ALK: variants seen among roughly 807,000 people sequenced by gnomAD.
The protein encoded by ALK is ALK receptor tyrosine kinase.
In ALK, 74 loss-of-function variants were observed where a neutral mutation model predicts 163.1. The ratio of observed to expected loss-of-function variants is 0.45; its 90% confidence interval spans 0.38 to 0.55. The LOEUF is 0.55. ALK is among the 20% of genes least tolerant of loss of function. The pLI is 0.00. For synonymous variants in ALK, 960 were observed against 843.2 expected (o/e 1.14, Z -2.40); for missense variants, 2,063 against 2,105.3 (o/e 0.98, Z 0.39).
chr2:29,618,136 C>G (rs1343798368), intron 3 of ALK, among the ~76,000 whole-genome samples: 2 of 152,214 alleles, frequency 1.3e-5, no homozygotes, highest in African/African-American at 4.8e-5. Flanking sequence ...AACATTCACT[C>G]CAGTTCCAAG....
rs70958274 is a variant in ALK at position 29,637,709 on chromosome 2, C to CAAAAAAAAA, written c.952+57132_952+57140dup. Among the ~76,000 whole-genome samples the CAAAAAAAAA allele has an allele frequency of 5.3e-4, 60 of 112,310 alleles. 4 individuals are homozygous for CAAAAAAAAA. The highest frequency in any genetic ancestry group is 4.9e-3 in the Middle Eastern group (1 of 204). The allele number at this position is 112,310 out of a possible 152,430, so 73.7% of individuals were successfully genotyped here. On this transcript the variant is annotated intron_variant, in intron 3 of 28. Transcript: ENST00000389048. ...GGGTGACAGAGCAAGACTCCGTCTCCAAAAAAAAAAAAAGAGGACTCTTTG... is the reference window on the plus strand; with the variant it reads ...GGGTGACAGAGCAAGACTCCGTCTCCAAAAAAAAAAAAAAAAAAAAAAGAGGACTCTTTG...
At chr2:29,307,261 C>T (rs1666551094) in intron 8 of ALK, among the ~76,000 whole-genome samples, 1 of 152,238 alleles carries the variant, frequency 6.6e-6, no homozygotes, top group Non-Finnish European at 1.5e-5. Context: ...CTGCATGCAA[C>T]ACCCCTAAAT....
intron 3 of ALK, among the ~76,000 whole-genome samples, chr2:29,578,866 A>G (rs1674597611): frequency 6.6e-6 from 1 of 152,208 alleles, no homozygotes; most frequent in South Asian, 2.1e-4. Flanking sequence ...CCTGGAGTCC[A>G]GCTCTTCTCC....
intron 3 of ALK, among the ~76,000 whole-genome samples, chr2:29,680,721 T>G (rs1270323285): frequency 1.3e-5 from 2 of 152,180 alleles, no homozygotes; most frequent in Non-Finnish European, 2.9e-5. Flanking sequence ...TATTAGCTTT[T>G]TGTTTTCTTA....
intron 1 of ALK, among the ~76,000 whole-genome samples, chr2:29,764,443 T>G (rs780713829): frequency 7.9e-5 from 12 of 152,192 alleles, no homozygotes; most frequent in Non-Finnish European, 1.8e-4. Context: ...CAAATATCAG[T>G]GAACGTCCCA....
intron 4 of ALK, among the ~76,000 whole-genome samples, chr2:29,513,345 C>T (rs1448911917): frequency 6.9e-6 from 1 of 144,844 alleles, no homozygotes; most frequent in Non-Finnish European, 1.5e-5. Context: ...AATAATGCCG[C>T]ATATCTACAA....
At chr2:29,438,660 A>AT in intron 4 of ALK, among the ~76,000 whole-genome samples, 2 of 152,146 alleles carry the variant, frequency 1.3e-5, no homozygotes, top group Non-Finnish European at 1.5e-5. Flanking sequence ...ATCCCACCTG[A>AT]CCTTCAGAGG....
At chr2:29,654,157 T>G (rs1021022299) in intron 3 of ALK, among the ~76,000 whole-genome samples, 2 of 152,130 alleles carry the variant, frequency 1.3e-5, no homozygotes, top group Admixed American at 6.6e-5. Context: ...TGAGATAGGA[T>G]GGGATTTAGT....
intron 11 of ALK, among the ~76,000 whole-genome samples, chr2:29,260,571 T>A (rs1665060950): frequency 6.6e-6 from 1 of 152,218 alleles, no homozygotes; most frequent in Non-Finnish European, 1.5e-5. Flanking sequence ...GTGTGGTGAC[T>A]CATGCCTGTA....
Position 29,233,620 on chromosome 2 carries a change from A to G in ALK, c.2432T>C (p.Val811Ala). The change falls in exon 14 of 29, where the codon GTG becomes GCG. Residue 811 changes from valine (V) to alanine (A), a missense_variant. Physicochemically the swap from Val to Ala is moderately conservative, Grantham distance 64. This residue lies in a region of ALK where 575 missense variants were observed against 626.6 expected (regional missense o/e 0.92). Coordinates refer to ENST00000389048, the MANE Select transcript of ALK (RefSeq NM_004304.5). Reference sequence around the variant, plus strand: ...TCCTCCGCCTCCTGCCCACTCATGCACGCTTCTGTTCACACGGATTTCTTC... The same window carrying G: ...TCCTCCGCCTCCTGCCCACTCATGCGCGCTTCTGTTCACACGGATTTCTTC... Reference protein sequence around the residue: ...IEEEIRVNRSVHEWAGGGGGG... With the variant: ...IEEEIRVNRSAHEWAGGGGGG... 6.2e-7 allele frequency: 1 copy of G among 1,614,210 alleles called. No individual in the cohort carries two copies. Among genetic ancestry groups the G allele is most frequent in the African/African-American group, 1.3e-5 (1 of 75,054 alleles).
chr2:29,543,804 A>C (rs1673478379), intron 3 of ALK, among the ~76,000 whole-genome samples: 1 of 152,148 alleles, frequency 6.6e-6, no homozygotes. Flanking sequence ...GAAATTGCTC[A>C]TGCCTCCCCT....
At chr2:29,328,755 C>T (rs947712864) in intron 5 of ALK, among the ~76,000 whole-genome samples, 4 of 152,206 alleles carry the variant, frequency 2.6e-5, no homozygotes, top group Non-Finnish European at 5.9e-5. Context: ...TCCATGTTCC[C>T]TCCATGACAT....
chr2:29,444,398 T>G (rs4541213), intron 4 of ALK, among the ~76,000 whole-genome samples: 1 of 151,996 alleles, frequency 6.6e-6, no homozygotes, highest in African/African-American at 2.4e-5. Flanking sequence ...TCATGAAATG[T>G]TGGGAGCTAG....
chr2:29,382,318 C>T (rs886995080), intron 5 of ALK, among the ~76,000 whole-genome samples: 1 of 152,130 alleles, frequency 6.6e-6, no homozygotes, highest in African/African-American at 2.4e-5. Flanking sequence ...GGAACAGACT[C>T]ACTGCGAATG....
chr2:29,599,163 A>G (rs1373269396), intron 3 of ALK, among the ~76,000 whole-genome samples: 1 of 150,722 alleles, frequency 6.6e-6, no homozygotes, highest in Non-Finnish European at 1.5e-5. Context: ...TGACAATAAA[A>G]TTCACTTAAA....
chr2:29,537,317 C>T (rs1173693245), intron 3 of ALK, among the ~76,000 whole-genome samples: 1 of 152,252 alleles, frequency 6.6e-6, no homozygotes, highest in Non-Finnish European at 1.5e-5. Flanking sequence ...GGGGCCAGGC[C>T]CAGGGTGCTG....
chr2:29,723,068 A>G (rs368989723), intron 1 of ALK, among the ~76,000 whole-genome samples: 22 of 152,152 alleles, frequency 1.4e-4, no homozygotes, highest in African/African-American at 5.3e-4. Context: ...TCTGTTCTCT[A>G]TGTGGCAGTT....
At chr2:29,756,997 G>A (rs971559683) in intron 1 of ALK, among the ~76,000 whole-genome samples, 6 of 152,200 alleles carry the variant, frequency 3.9e-5, no homozygotes, top group Admixed American at 6.5e-5. Flanking sequence ...TGTGATGACA[G>A]AGGAAAGCAG....
At chr2:29,207,988 G>A (rs1219584219) in intron 25 of ALK, 3 of 435,156 alleles carry the variant, frequency 6.9e-6, no homozygotes, top group Admixed American at 2.4e-5. Context: ...GCCAGCTGTC[G>A]ACATTAATTA....
Sources: gnomAD v4.1 joint callset for allele counts (sites outside exome capture counted in the v4.1 genomes callset) on GRCh38, gnomAD v4.1.1 for gene constraint, gnomAD v4.1.1 regional missense constraint, MANE v1.5 for transcripts, NCBI Gene and HGNC (gene_info 2026-07-23, HGNC 2026-07-21) for gene names.